Variants in WWOX observed in about 807,000 individuals in gnomAD.
WWOX encodes the protein WW domain containing oxidoreductase.
WWOX carries 69 observed loss-of-function variants against 46.2 expected under a neutral mutation model. The observed-to-expected ratio is 1.49, with a 90% CI of 1.23 to 1.82. WWOX has a LOEUF of 1.82. Ranked by LOEUF, WWOX falls within the 40% of genes most tolerant of loss-of-function variation. WWOX has a pLI of 0.00. For missense variants in WWOX, 919 were observed against 542.6 expected (o/e 1.69, Z -6.89); for synonymous variants, 359 against 202.6 (o/e 1.77, Z -6.56).
In WWOX at chr16:78,432,611, C is replaced by G. The variant is rs201818301; in HGVS notation, c.915C>G (p.Asn305Lys). 1 of 1,614,224 alleles carries G rather than the reference C, an allele frequency of 6.2e-7. No homozygotes were observed. Among genetic ancestry groups the G allele is most frequent in the Non-Finnish European group, 8.5e-7 (1 of 1,180,048 alleles). ...AGCTCTGCAACATCCTCTTCTCCAA[C>G]GAGCTGCACCGTCGCCTCTCCCCAC... ...RSKLCNILFSNELHRRLSPRG... is the reference protein window; with the variant it reads ...RSKLCNILFSKELHRRLSPRG... Residue 305 changes from asparagine (N) to lysine (K), a missense_variant, in exon 8 of 9, where the codon AAC becomes AAG. Transcript: ENST00000566780.
At chr16:78,353,625 A>G (rs1476432719) in intron 5 of WWOX, among the ~76,000 whole-genome samples, 1 of 152,234 alleles carries the variant, frequency 6.6e-6, no homozygotes, top group Non-Finnish European at 1.5e-5. Flanking sequence ...GATAATTAGT[A>G]TTATCTTTGC....
intron 5 of WWOX, among the ~76,000 whole-genome samples, chr16:78,240,625 G>A (rs1205250240): frequency 6.6e-6 from 1 of 152,210 alleles, no homozygotes; most frequent in Non-Finnish European, 1.5e-5. Context: ...GAACTTCACA[G>A]GGTCTTTGTT....
At chr16:78,246,541 C>T (rs2037820703) in intron 5 of WWOX, among the ~76,000 whole-genome samples, 1 of 152,200 alleles carries the variant, frequency 6.6e-6, no homozygotes, top group Non-Finnish European at 1.5e-5. Context: ...ATGGTTCCAT[C>T]AATCACTGCT....
chr16:79,046,787 G>A (rs1167735476), intron 8 of WWOX, among the ~76,000 whole-genome samples: 1 of 152,106 alleles, frequency 6.6e-6, no homozygotes, highest in East Asian at 1.9e-4. Flanking sequence ...ACTTCACCCT[G>A]CTCTCTTTGT....
intron 8 of WWOX, among the ~76,000 whole-genome samples, chr16:78,631,818 A>ACCCAG (rs1228546566): frequency 6.6e-6 from 1 of 152,152 alleles, no homozygotes; most frequent in Non-Finnish European, 1.5e-5. Flanking sequence ...GAACCACCAT[A>ACCCAG]CCCAGCCAAA....
rs2081103906 is a variant in WWOX, at chr16:78,346,956, C to T, written c.517-39904C>T. ...GACCAGGCTGGTTTCAACTCCTGAC[C>T]TCAGGTGATCTGCCTGCCTCGGCCT... On this transcript the variant is annotated intron_variant, in intron 5 of 8. Coordinates refer to ENST00000566780, the MANE Select transcript of WWOX (RefSeq NM_016373.4). Among the ~76,000 whole-genome samples, 4 of 119,258 alleles carry T rather than the reference C, an allele frequency of 3.4e-5. 1 individual carries two copies. Among genetic ancestry groups the T allele is most frequent in the Non-Finnish European group, 6.0e-5 (3 of 50,088 alleles). The allele number at this position is 119,258 out of a possible 152,430, so 78.2% of individuals were successfully genotyped here.
intron 8 of WWOX, among the ~76,000 whole-genome samples, chr16:79,156,050 G>C (rs1360079546): frequency 1.3e-5 from 2 of 152,190 alleles, no homozygotes; most frequent in Non-Finnish European, 2.9e-5. Flanking sequence ...CAGGAAATCA[G>C]ACAGGTCACC....
At chr16:79,019,956 C>A (rs1455763607) in intron 8 of WWOX, among the ~76,000 whole-genome samples, 1 of 152,194 alleles carries the variant, frequency 6.6e-6, no homozygotes, top group Non-Finnish European at 1.5e-5. Flanking sequence ...AAGCACACAG[C>A]CGTGATCAGT....
chr16:78,486,400 T>A (rs1273993154), intron 8 of WWOX, among the ~76,000 whole-genome samples: 1 of 152,242 alleles, frequency 6.6e-6, no homozygotes, highest in Non-Finnish European at 1.5e-5. Context: ...TTTACCTTTT[T>A]AATATAGCTT....
chr16:79,026,336 C>G (rs888745503), intron 8 of WWOX, among the ~76,000 whole-genome samples: 3 of 151,670 alleles, frequency 2.0e-5, no homozygotes, highest in Non-Finnish European at 4.4e-5. Flanking sequence ...CTCCCTTCAC[C>G]TTCATTAGGT....
At chr16:78,442,881 G>C (rs1053771683) in intron 8 of WWOX, among the ~76,000 whole-genome samples, 31 of 152,210 alleles carry the variant, frequency 2.0e-4, no homozygotes, top group Admixed American at 1.6e-3. Context: ...CCAGCACTTT[G>C]GGAGGCCGAG....
chr16:78,143,220 T>C (rs2034047276), intron 4 of WWOX, among the ~76,000 whole-genome samples: 1 of 152,350 alleles, frequency 6.6e-6, no homozygotes, highest in Non-Finnish European at 1.5e-5. Context: ...TCTGCTTTCA[T>C]AGAAACTTGT....
At position 78,885,713 on chromosome 16, in the gene WWOX, T is replaced by A. The variant is rs554353313; in HGVS notation, c.1057-325895T>A. Among the ~76,000 whole-genome samples, 18 of 152,220 alleles carry A rather than the reference T, an allele frequency of 1.2e-4. No homozygotes were observed. The South Asian group carries it at 2.9e-3, about 25-fold the overall frequency. The stretch of plus-strand genomic sequence containing the variant: ...AGGGATAACTCAATACATTAATATC[T>A]CACGAATGGCAGAAGATGAAGGGGG... On this transcript the variant is annotated intron_variant, in intron 8 of 8. Coordinates refer to ENST00000566780, the MANE Select transcript of WWOX (RefSeq NM_016373.4).
At chr16:78,237,396 G>A (rs2037477413) in intron 5 of WWOX, 1 of 152,114 alleles carries the variant, frequency 6.6e-6, no homozygotes, top group African/African-American at 2.4e-5. Context: ...TTTTGGTTTT[G>A]AAAAATTGAG....
chr16:78,907,060 G>A (rs955846589), intron 8 of WWOX, among the ~76,000 whole-genome samples: 14 of 152,154 alleles, frequency 9.2e-5, no homozygotes, highest in African/African-American at 3.4e-4. Context: ...GGTAGAGCCA[G>A]CTAAACGGGA....
intron 8 of WWOX, among the ~76,000 whole-genome samples, chr16:78,786,717 C>T (rs993738600): frequency 6.6e-6 from 1 of 152,206 alleles, no homozygotes; most frequent in East Asian, 1.9e-4. Context: ...TGTCATATCA[C>T]TCAATCACTG....
At position 78,804,288 on chromosome 16, in the gene WWOX, C is replaced by T. The variant is rs761366604; in HGVS notation, c.1056+371536C>T. Among the ~76,000 whole-genome samples the T allele has an allele frequency of 1.1e-3, 160 of 152,222 alleles. 1 individual carries two copies. Among genetic ancestry groups the T allele is most frequent in the Non-Finnish European group, 1.8e-4 (12 of 68,024 alleles). On this transcript the variant is annotated intron_variant, in intron 8 of 8. Transcript: ENST00000566780. ...CACTGCCTGAGCCGGCTGGTCTTTG[C>T]CCTCAATTTCATTGAGATGGGCCAT...
intron 8 of WWOX, among the ~76,000 whole-genome samples, chr16:78,688,350 G>C (rs1294473152): frequency 6.7e-6 from 1 of 148,170 alleles, no homozygotes; most frequent in Non-Finnish European, 1.5e-5. Flanking sequence ...TTCATGATGA[G>C]TCACTATATC....
intron 6 of WWOX, 35 bp from the exon 7 acceptor site, chr16:78,424,835 T>C (rs746194314): frequency 1.2e-6 from 2 of 1,613,124 alleles, no homozygotes; most frequent in African/African-American, 1.3e-5. Flanking sequence ...TTGTAGTGTT[T>C]ATGTCCACAT....
Sources: allele counts gnomAD v4.1 joint callset (sites outside exome capture counted in the v4.1 genomes callset), GRCh38; gene constraint gnomAD v4.1.1; transcripts MANE v1.5; gene names NCBI Gene and HGNC (gene_info 2026-07-23, HGNC 2026-07-21).